KIF6: variants seen among roughly 807,000 people sequenced by gnomAD.
The protein encoded by KIF6 is kinesin-like protein KIF6.
Under a neutral mutation model 112.7 loss-of-function variants are expected in KIF6, and 106 were observed. The ratio of observed to expected loss-of-function variants is 0.94; its 90% CI spans 0.80 to 1.11. The LOEUF (loss-of-function observed/expected upper bound fraction) is 1.11, where lower values mean the gene tolerates loss of function less well. Among genes scored for constraint, KIF6 ranks in the 50% least tolerant of loss-of-function variants. The pLI is 0.00. For synonymous variants in KIF6, 339 were observed against 339.9 expected, an observed-to-expected ratio of 1.00 and a Z score of 0.03; for missense variants, 929 against 964.0, an observed-to-expected ratio of 0.96 and a Z score of 0.48.
intron 3 of KIF6, among the ~76,000 whole-genome samples, chr6:39,710,683 A>C (rs149680138): frequency 1.3e-5 from 2 of 152,166 alleles, no homozygotes; most frequent in Non-Finnish European, 2.9e-5. Context: ...AGAACTCAGA[A>C]CCACAGGGCA....
intron 4 of KIF6, among the ~76,000 whole-genome samples, chr6:39,639,014 C>A (rs531832419): frequency 9.2e-5 from 14 of 152,164 alleles, no homozygotes; most frequent in Non-Finnish European, 1.8e-4. Flanking sequence ...AAATATTTAA[C>A]CTGAGGCTCA....
intron 6 of KIF6, among the ~76,000 whole-genome samples, chr6:39,599,617 T>A (rs1782469429): frequency 1.3e-5 from 2 of 152,208 alleles, no homozygotes; most frequent in Non-Finnish European, 2.9e-5. Flanking sequence ...AAACTCAAAT[T>A]TAGAACCTAA....
Position 39,603,662 on chromosome 6 carries a change from T to C in KIF6, c.640-7402A>G, listed in dbSNP as rs1782707843. On this transcript the variant is annotated intron_variant, in intron 6 of 22. Transcript: ENST00000287152. ...ATTCAATAAGTGAAATATAATTTCT[T>C]GAGGTTTACATAATATGCTCTTGTG... Among the ~76,000 whole-genome samples, 3 of 152,080 alleles carry C rather than the reference T, an allele frequency of 2.0e-5. No individual in the cohort carries two copies. The South Asian group carries it at 6.2e-4, about 32-fold the overall frequency.
At chr6:39,575,815 C>T (rs997560993) in intron 10 of KIF6, among the ~76,000 whole-genome samples, 4 of 152,096 alleles carry the variant, frequency 2.6e-5, no homozygotes, top group African/African-American at 4.8e-5. Flanking sequence ...CACTTCCAGA[C>T]GTGGAGCAAT....
chr6:39,495,272 G>A (rs191367065), intron 13 of KIF6, among the ~76,000 whole-genome samples: 15 of 152,336 alleles, frequency 9.8e-5, no homozygotes, highest in African/African-American at 3.6e-4. Context: ...GAATGGGGCA[G>A]ACACATGATG....
chr6:39,434,853 A>G (rs1193677926), intron 13 of KIF6, among the ~76,000 whole-genome samples: 1 of 152,156 alleles, frequency 6.6e-6, no homozygotes, highest in East Asian at 1.9e-4. Flanking sequence ...TGGAGTGTGG[A>G]TTACAAAGGC....
intron 13 of KIF6, among the ~76,000 whole-genome samples, chr6:39,531,575 G>A (rs1297014959): frequency 6.6e-6 from 1 of 152,066 alleles, no homozygotes; most frequent in African/African-American, 2.4e-5. Flanking sequence ...CATGAGTACC[G>A]ATTTTATTTC....
intron 13 of KIF6, among the ~76,000 whole-genome samples, chr6:39,444,731 A>G (rs1357907604): frequency 6.6e-6 from 1 of 151,916 alleles, no homozygotes; most frequent in South Asian, 2.1e-4. Flanking sequence ...TTTGCATGCT[A>G]TGTTGCTAAG....
intron 13 of KIF6, among the ~76,000 whole-genome samples, chr6:39,535,012 TGA>T (rs1778329342): frequency 6.6e-6 from 1 of 152,174 alleles, no homozygotes; most frequent in Non-Finnish European, 1.5e-5. Flanking sequence ...AAGCAAATGC[TGA>T]GAGATTTTGT....
chr6:39,412,468 C>T (rs538623206), intron 15 of KIF6, among the ~76,000 whole-genome samples: 2 of 152,302 alleles, frequency 1.3e-5, no homozygotes, highest in East Asian at 1.9e-4. Context: ...TGTTCTTTCA[C>T]GTGATCAAAT....
chr6:39,640,039 A>G (rs142614365), intron 3 of KIF6, among the ~76,000 whole-genome samples: 29 of 152,174 alleles, frequency 1.9e-4, no homozygotes, highest in African/African-American at 6.7e-4. Flanking sequence ...ACTTGAATCA[A>G]AGAATATATT....
In KIF6 at chr6:39,342,980, C is replaced by G. The variant is rs1763427915; in HGVS notation, c.2428+729G>C. The G allele has an allele frequency of 2.0e-6, 2 of 985,444 alleles. No individual in the cohort carries two copies. Among genetic ancestry groups the G allele is most frequent in the Non-Finnish European group, 2.4e-6 (2 of 829,928 alleles). 61.0% of individuals were successfully genotyped at this position (985,444 alleles called of 1,614,324 possible). On this transcript the variant is annotated intron_variant, in intron 22 of 22. Transcript: ENST00000287152. This position sits in a 1 kb window ranked among gnomAD's most constrained non-coding sequence, Gnocchi z 4.7. Reference sequence around the variant, plus strand: ...CTGGCAATGTGAAGGCAATGTTAAGCCTGCCTAGTAGCCTTTGGGTTATGG... The same window carrying G: ...CTGGCAATGTGAAGGCAATGTTAAGGCTGCCTAGTAGCCTTTGGGTTATGG...
chr6:39,698,522 A>G (rs1369328146), intron 3 of KIF6, among the ~76,000 whole-genome samples: 2 of 152,218 alleles, frequency 1.3e-5, no homozygotes, highest in African/African-American at 2.4e-5. Flanking sequence ...ATCTCGACAG[A>G]GCCATAGATG....
At chr6:39,537,252 A>T (rs1296862825) in intron 13 of KIF6, among the ~76,000 whole-genome samples, 1 of 152,206 alleles carries the variant, frequency 6.6e-6, no homozygotes, top group South Asian at 2.1e-4. Flanking sequence ...AGGGTACTCA[A>T]TTAGGAAAAG....
chr6:39,625,518 C>T (rs923237934), intron 5 of KIF6, among the ~76,000 whole-genome samples: 2 of 152,142 alleles, frequency 1.3e-5, no homozygotes, highest in Non-Finnish European at 2.9e-5. Context: ...AAAGCACCCC[C>T]AACTCCTCAA....
intron 10 of KIF6, 37 bp downstream of exon 10, chr6:39,578,019 C>T (rs747980079): frequency 7.3e-7 from 1 of 1,370,458 alleles, no homozygotes; most frequent in African/African-American, 1.5e-5. Flanking sequence ...CAAACTTTCA[C>T]TGTTAAAGAA....
In KIF6 at chr6:39,725,361, C is replaced by A; in HGVS notation, c.-51G>T. 1.3e-6 allele frequency: 2 copies of A among 1,496,588 alleles called. No individual in the cohort carries two copies. The highest frequency in any genetic ancestry group is 1.7e-4 in the Middle Eastern group (1 of 5,796). The allele number at this position is 1,496,588 out of a possible 1,614,324, so 92.7% of individuals were successfully genotyped here. A position where few individuals can be genotyped will look rare whatever the true frequency, so the allele number is the denominator to read the frequency against. On this transcript the variant is annotated 5_prime_UTR_variant, in exon 1 of 23. Coordinates refer to ENST00000287152, the MANE Select transcript of KIF6 (RefSeq NM_145027.6). ...TTGACCTCTCTCAGGCCCGGGCTGC[C>A]AAAACTAACTCCCACCACCTCCGGC...
At chr6:39,688,914 G>A (rs540226715) in intron 3 of KIF6, among the ~76,000 whole-genome samples, 1 of 152,270 alleles carries the variant, frequency 6.6e-6, no homozygotes, top group East Asian at 1.9e-4. Context: ...TCCAGCCTGG[G>A]TAGCATAGTG....
At chr6:39,432,937 A>G (rs1462406507) in intron 13 of KIF6, among the ~76,000 whole-genome samples, 1 of 151,756 alleles carries the variant, frequency 6.6e-6, no homozygotes, top group Non-Finnish European at 1.5e-5. Flanking sequence ...CCCGCAGGGG[A>G]GCTGATGAGC....
Sources: allele counts gnomAD v4.1 joint callset (sites outside exome capture counted in the v4.1 genomes callset), GRCh38; gene constraint gnomAD v4.1.1; non-coding constraint Gnocchi (gnomAD v3.1); transcripts MANE v1.5; gene names NCBI Gene and HGNC (gene_info 2026-07-23, HGNC 2026-07-21).